Variants in RBFOX1 observed in about 807,000 individuals in gnomAD.
The protein encoded by RBFOX1 is RNA binding fox-1 homolog 1, also known as RNA binding protein fox-1 homolog 1.
In RBFOX1, 8 loss-of-function variants were observed where a neutral mutation model predicts 57.7. That is an observed-to-expected ratio of 0.14 (90% CI 0.08 to 0.25). The LOEUF is 0.25. Among genes scored for constraint, RBFOX1 ranks in the 10% least tolerant of loss-of-function variants. The pLI is 1.00. For missense variants in RBFOX1, 611 were observed against 548.5 expected, an observed-to-expected ratio of 1.11 and a Z score of -1.14; for synonymous variants, 326 against 222.4, an observed-to-expected ratio of 1.47 and a Z score of -4.15.
intron 5 of RBFOX1, among the ~76,000 whole-genome samples, chr16:7,554,756 T>A (rs1040588138): frequency 6.6e-6 from 1 of 152,180 alleles, no homozygotes; most frequent in African/African-American, 2.4e-5. Flanking sequence ...TTTTTCTTCT[T>A]CTTCTACAAA....
At chr16:7,696,679 G>A (rs1598341547) in intron 14 of RBFOX1, among the ~76,000 whole-genome samples, 1 of 152,118 alleles carries the variant, frequency 6.6e-6, no homozygotes, top group Admixed American at 6.5e-5. Flanking sequence ...AGATCCCAAA[G>A]CACGTATATG....
At chr16:6,853,019 A>G (rs898438009) in intron 3 of RBFOX1, among the ~76,000 whole-genome samples, 4 of 152,128 alleles carry the variant, frequency 2.6e-5, no homozygotes, top group East Asian at 3.9e-4. Flanking sequence ...CAGAATTGGA[A>G]CAGCTGGTCC....
At chr16:5,764,663 AC>A (rs747304214) in intron 3 of RBFOX1, among the ~76,000 whole-genome samples, 2 of 152,076 alleles carry the variant, frequency 1.3e-5, no homozygotes, top group African/African-American at 2.4e-5. Context: ...TTATCAGTAA[AC>A]CAACCTGGAC....
At chr16:6,410,168 C>CTGTG (rs3066618) in intron 2 of RBFOX1, among the ~76,000 whole-genome samples, 14,450 of 146,912 alleles carry the variant, frequency 0.098, 737 homozygotes, top group East Asian at 0.15. Context: ...CATCATAAGG[C>CTGTG]TGTGTGTGTG....
At chr16:5,979,833 G>A (rs1330377682) in intron 4 of RBFOX1, among the ~76,000 whole-genome samples, 1 of 152,194 alleles carries the variant, frequency 6.6e-6, no homozygotes, top group Non-Finnish European at 1.5e-5. Flanking sequence ...CTGCGCTCCA[G>A]CCTGGCAACA....
intron 12 of RBFOX1, among the ~76,000 whole-genome samples, chr16:7,659,085 G>T (rs1285547088): frequency 6.6e-6 from 1 of 152,148 alleles, no homozygotes; most frequent in African/African-American, 2.4e-5. Flanking sequence ...TTTTGGTCTT[G>T]TTCTCTAGGT....
At chr16:5,580,532 A>G (rs948953044) in intron 2 of RBFOX1, among the ~76,000 whole-genome samples, 1 of 152,210 alleles carries the variant, frequency 6.6e-6, no homozygotes, top group Non-Finnish European at 1.5e-5. Flanking sequence ...GCTCAGAGCC[A>G]GGGCTGCTTG....
chr16:5,638,604 C>T (rs1024922379), intron 3 of RBFOX1, among the ~76,000 whole-genome samples: 4 of 152,130 alleles, frequency 2.6e-5, no homozygotes, highest in Non-Finnish European at 5.9e-5. Context: ...TGTGCCTCTA[C>T]CTTCTTTATT....
At chr16:5,906,310 T>A (rs547820615) in intron 4 of RBFOX1, among the ~76,000 whole-genome samples, 1 of 152,076 alleles carries the variant, frequency 6.6e-6, no homozygotes, top group African/African-American at 2.4e-5. Flanking sequence ...AAGGGGAAAT[T>A]TGGACACAAA....
chr16:6,869,628 T>C (rs1261870099), intron 3 of RBFOX1, among the ~76,000 whole-genome samples: 2 of 152,168 alleles, frequency 1.3e-5, no homozygotes, highest in African/African-American at 4.8e-5. Context: ...TTGGAATCTG[T>C]TTTCAACTCT....
At chr16:7,409,896 A>G (rs778024601) in intron 4 of RBFOX1, among the ~76,000 whole-genome samples, 11 of 152,260 alleles carry the variant, frequency 7.2e-5, no homozygotes, top group Non-Finnish European at 1.5e-4. Context: ...AGTTCCGGCA[A>G]TGTCTTAAAT....
chr16:5,337,325 G>A (rs1276048163), intron 1 of RBFOX1, among the ~76,000 whole-genome samples: 1 of 152,144 alleles, frequency 6.6e-6, no homozygotes, highest in African/African-American at 2.4e-5. Context: ...CCCAAAGACC[G>A]CTCTACTCTC....
intron 3 of RBFOX1, among the ~76,000 whole-genome samples, chr16:6,990,055 C>G (rs544064882): frequency 1.3e-5 from 2 of 152,176 alleles, no homozygotes; most frequent in South Asian, 4.1e-4. Context: ...ATTTAGCTCC[C>G]CTGTACTAGA....
At chr16:6,921,428 C>T (rs149600259) in intron 3 of RBFOX1, among the ~76,000 whole-genome samples, 39 of 152,100 alleles carry the variant, frequency 2.6e-4, no homozygotes, top group Non-Finnish European at 4.4e-4. Flanking sequence ...TTTCCTGTGA[C>T]CGTAAGTCTG....
At chr16:7,390,674 A>C (rs1197348253) in intron 4 of RBFOX1, among the ~76,000 whole-genome samples, 1 of 152,190 alleles carries the variant, frequency 6.6e-6, no homozygotes, top group Admixed American at 6.5e-5. Context: ...GTGATTTTTG[A>C]TGAAAAGAAT....
intron 3 of RBFOX1, among the ~76,000 whole-genome samples, chr16:6,883,495 G>T (rs2063363185): frequency 6.6e-6 from 1 of 152,180 alleles, no homozygotes; most frequent in Admixed American, 6.5e-5. Context: ...CCATCTGCAA[G>T]AATATTTACT....
chr16:7,334,021 G>A (rs771266247), intron 4 of RBFOX1, among the ~76,000 whole-genome samples: 7 of 152,002 alleles, frequency 4.6e-5, no homozygotes, highest in Non-Finnish European at 1.0e-4. Flanking sequence ...CTTTACTCCT[G>A]TGCCTCCCTC....
chr16:6,210,017 G>C (rs1208941478), intron 1 of RBFOX1, among the ~76,000 whole-genome samples: 2 of 151,898 alleles, frequency 1.3e-5, no homozygotes, highest in East Asian at 3.9e-4. Flanking sequence ...ACATGACAAA[G>C]TTAGAAATCT....
chr16:6,432,740 A>G (rs1373420646), intron 2 of RBFOX1, among the ~76,000 whole-genome samples: 2 of 152,118 alleles, frequency 1.3e-5, no homozygotes, highest in Non-Finnish European at 1.5e-5. Context: ...AGCACTTTAG[A>G]AGGCAAAGGT....
Sources: gnomAD v4.1 joint callset for allele counts (sites outside exome capture counted in the v4.1 genomes callset) on GRCh38, gnomAD v4.1.1 for gene constraint, MANE v1.5 for transcripts, NCBI Gene and HGNC (gene_info 2026-07-23, HGNC 2026-07-21) for gene names.